RANBP10: variants seen among roughly 807,000 people sequenced by gnomAD.
The protein encoded by RANBP10 is RAN binding protein 10, also known as ran-binding protein 10.
RANBP10 carries 24 observed loss-of-function variants against 72.8 expected under a neutral mutation model. That is an observed-to-expected ratio of 0.33 (90% CI 0.24 to 0.46). The LOEUF (loss-of-function observed/expected upper bound fraction) is 0.46, where lower values mean the gene tolerates loss of function less well. Ranked by LOEUF, RANBP10 falls within the 20% of genes least tolerant of loss-of-function variation. The pLI is 1.00. For synonymous variants in RANBP10, 310 were observed against 322.3 expected, an observed-to-expected ratio of 0.96 and a Z score of 0.41; for missense variants, 679 against 817.5, an observed-to-expected ratio of 0.83 and a Z score of 2.07.
intron 2 of RANBP10, among the ~76,000 whole-genome samples, chr16:67,773,275 C>T (rs2054640278): frequency 6.6e-6 from 1 of 152,126 alleles, no homozygotes; most frequent in African/African-American, 2.4e-5. Context: ...CCGTTGTTGC[C>T]ATGTGACATG....
chr16:67,728,105 G>C (rs2053645410), intron 11 of RANBP10, among the ~76,000 whole-genome samples: 1 of 152,228 alleles, frequency 6.6e-6, no homozygotes, highest in African/African-American at 2.4e-5. Flanking sequence ...CTTGGAAGTT[G>C]TCCCTCTTCC....
intron 6 of RANBP10, among the ~76,000 whole-genome samples, chr16:67,732,894 A>C (rs940324119): frequency 6.6e-6 from 1 of 150,738 alleles, no homozygotes; most frequent in Non-Finnish European, 1.5e-5. Flanking sequence ...AAAAAAATAC[A>C]AAAAAAAATT....
At chr16:67,776,365 G>A (rs1481188367) in intron 2 of RANBP10, among the ~76,000 whole-genome samples, 1 of 149,882 alleles carries the variant, frequency 6.7e-6, no homozygotes, top group Non-Finnish European at 1.5e-5. Context: ...GGGAGGGTGA[G>A]GCAGGAGAAT....
Position 67,738,004 on chromosome 16 carries a change from AG to A in RANBP10, c.591+8del, listed in dbSNP as rs2053889256. 1.3e-6 allele frequency: 2 copies of A among 1,587,018 alleles called. No individual in the cohort carries two copies. The highest frequency in any genetic ancestry group is 1.3e-5 in the African/African-American group (1 of 74,478). On this transcript the variant is annotated splice_region_variant and intron_variant, in intron 5 of 13. Transcript: ENST00000317506. ...ACCCAGGAGGGGAAGACTCAATAGT[AG>A]TACTCACCGGGAGGTCTGTGAAGGC...
chr16:67,742,649 G>T (rs2053991542), intron 4 of RANBP10, among the ~76,000 whole-genome samples: 2 of 152,146 alleles, frequency 1.3e-5, no homozygotes, highest in African/African-American at 4.8e-5. Flanking sequence ...AAGGCCTGAA[G>T]GAGAGAGATG....
At chr16:67,782,397 G>T (rs1049909049) in intron 2 of RANBP10, among the ~76,000 whole-genome samples, 8 of 151,966 alleles carry the variant, frequency 5.3e-5, no homozygotes, top group African/African-American at 1.9e-4. Flanking sequence ...AAAATGCTTG[G>T]ATTACAAGTG....
chr16:67,786,646 G>C (rs556787766), intron 2 of RANBP10, among the ~76,000 whole-genome samples: 1 of 152,314 alleles, frequency 6.6e-6, no homozygotes, highest in East Asian at 1.9e-4. Context: ...AAAAGTTCCA[G>C]GTCAAGTGCA....
intron 3 of RANBP10, among the ~76,000 whole-genome samples, chr16:67,748,193 G>C (rs550526180): frequency 6.6e-6 from 1 of 151,784 alleles, no homozygotes; most frequent in South Asian, 2.1e-4. Flanking sequence ...TGACTCTCTA[G>C]ATCAATTTGG....
intron 3 of RANBP10, among the ~76,000 whole-genome samples, chr16:67,754,051 G>A (rs372155962): frequency 1.3e-5 from 2 of 151,264 alleles, no homozygotes; most frequent in African/African-American, 2.4e-5. Flanking sequence ...GGAGAATGGC[G>A]TGAACCGGGA....
intron 3 of RANBP10, among the ~76,000 whole-genome samples, chr16:67,764,238 C>T (rs528028736): frequency 1.1e-4 from 16 of 152,274 alleles, no homozygotes; most frequent in South Asian, 6.2e-4. Flanking sequence ...GCCTCTCCTT[C>T]GTCCCAAGCC....
rs61683439 is a variant in RANBP10 at position 67,785,731 on chromosome 16, C to CAAAAAAAAAA, written c.348-13655_348-13646dup. Among the ~76,000 whole-genome samples the CAAAAAAAAAA allele has an allele frequency of 8.8e-4, 63 of 71,730 alleles. 5 individuals are homozygous for CAAAAAAAAAA. The highest frequency in any genetic ancestry group is 2.9e-3 in the African/African-American group (43 of 14,592). 47.1% of individuals were successfully genotyped at this position (71,730 alleles called of 152,430 possible). ...AAACAGAGTGAGTGAGACTCCATCTCAAAAAAAAAAAAAAAGCCAGGCACA... is the reference window on the plus strand; with the variant it reads ...AAACAGAGTGAGTGAGACTCCATCTCAAAAAAAAAAAAAAAAAAAAAAAAAGCCAGGCACA... On this transcript the variant is annotated intron_variant, in intron 2 of 13. Transcript: ENST00000317506.
At chr16:67,761,906 A>G (rs780753434) in intron 3 of RANBP10, among the ~76,000 whole-genome samples, 11 of 152,120 alleles carry the variant, frequency 7.2e-5, no homozygotes, top group Non-Finnish European at 1.3e-4. Context: ...TTAAATATAT[A>G]GGTACTTCCT....
At position 67,725,882 on chromosome 16, in the gene RANBP10, G is replaced by C. The variant is rs568973425; in HGVS notation, c.*546C>G. On this transcript the variant is annotated 3_prime_UTR_variant, in exon 14 of 14. Coordinates refer to ENST00000317506, the MANE Select transcript of RANBP10 (RefSeq NM_020850.3). The stretch of plus-strand genomic sequence containing the variant: ...TCTTTTTTAATGAGTTGGACTCAAA[G>C]AAAACATGGTGCCTGGACAGCCTCA... The C allele has an allele frequency of 6.6e-6, 1 of 152,588 alleles. No individual in the cohort carries two copies. Among genetic ancestry groups the C allele is most frequent in the Non-Finnish European group, 1.5e-5 (1 of 68,010 alleles). 9.5% of individuals were successfully genotyped at this position (152,588 alleles called of 1,614,324 possible).
rs35741053 is a variant in RANBP10 at position 67,772,090 on chromosome 16, C to CAAAA, written c.348-8_348-5dup. Reference sequence around the variant, plus strand: ...CGAGAGTCCTATTCCCATGTAACTTCAAAAAAAAAAAAAAAAAAAACACAA... The same window carrying CAAAA: ...CGAGAGTCCTATTCCCATGTAACTTCAAAAAAAAAAAAAAAAAAAAAAAACACAA... On this transcript the variant is annotated splice_polypyrimidine_tract_variant and splice_region_variant and intron_variant, in intron 2 of 13. Coordinates refer to ENST00000317506, the MANE Select transcript of RANBP10 (RefSeq NM_020850.3). The CAAAA allele has an allele frequency of 4.7e-4, 612 of 1,315,254 alleles. No homozygotes were observed. The highest frequency in any genetic ancestry group is 1.6e-3 in the South Asian group (102 of 61,868). The allele number at this position is 1,315,254 out of a possible 1,614,324, so 81.5% of individuals were successfully genotyped here. A position where few individuals can be genotyped will look rare whatever the true frequency, so the allele number is the denominator to read the frequency against.
intron 2 of RANBP10, among the ~76,000 whole-genome samples, chr16:67,789,893 T>A (rs1157416602): frequency 6.6e-6 from 1 of 151,622 alleles, no homozygotes; most frequent in African/African-American, 2.4e-5. Flanking sequence ...GGTCAGGAGT[T>A]CAAGATCAAT....
intron 2 of RANBP10, among the ~76,000 whole-genome samples, chr16:67,775,801 A>C (rs1186144043): frequency 6.7e-6 from 1 of 149,574 alleles, no homozygotes; most frequent in Admixed American, 6.6e-5. Context: ...AAAAAAAAAA[A>C]AAAAAAAAAA....
At chr16:67,801,010 T>C (rs2055226298) in intron 2 of RANBP10, among the ~76,000 whole-genome samples, 1 of 152,182 alleles carries the variant, frequency 6.6e-6, no homozygotes, top group Non-Finnish European at 1.5e-5. Flanking sequence ...GTATAGGGCC[T>C]GGAACATAGT....
chr16:67,752,528 C>T (rs961161156), intron 3 of RANBP10, among the ~76,000 whole-genome samples: 1 of 152,104 alleles, frequency 6.6e-6, no homozygotes, highest in Admixed American at 6.6e-5. Context: ...GAAATCTGAA[C>T]CTATTCTGGT....
chr16:67,735,147 T>A, intron 5 of RANBP10, 105 bp from the exon 6 acceptor site: 2 of 1,181,884 alleles, frequency 1.7e-6, no homozygotes, highest in Non-Finnish European at 2.3e-6. Flanking sequence ...GCTGGGAGAG[T>A]TGCAGCAAGG....
Sources: gnomAD v4.1 joint callset for allele counts (sites outside exome capture counted in the v4.1 genomes callset) on GRCh38, gnomAD v4.1.1 for gene constraint, MANE v1.5 for transcripts, NCBI Gene and HGNC (gene_info 2026-07-23, HGNC 2026-07-21) for gene names.